Variants in RTL1 observed in about 807,000 individuals in gnomAD.
The protein encoded by RTL1 is retrotransposon-like protein 1.
For synonymous variants in RTL1, 727 were observed against 748.4 expected (o/e 0.97, Z 0.47); for missense variants, 1,681 against 1,767.5 (o/e 0.95, Z 0.88).
chr14:100,884,683 T>G lies in RTL1; in HGVS notation c.106A>C (p.Thr36Pro), dbSNP rs578252347. The G allele has an allele frequency of 1.2e-6, 2 of 1,613,780 alleles. No homozygotes were observed. The highest frequency in any genetic ancestry group is 4.5e-5 in the East Asian group (2 of 44,868). Residue 36 changes from threonine to proline, a missense_variant, in exon 4 of 4, where the codon ACG (threonine) becomes CCG (proline). Transcript: ENST00000649591. Reference protein sequence around the residue: ...SEGSSNTTEATSGSGVRGEAG... With the variant: ...SEGSSNTTEAPSGSGVRGEAG... ...TCTCCCCGCACTCCACTGCCCGACG[T>G]CGCCTCGGTGGTGTTGGATGAGCCC...
chr14:100,892,590 G>A (rs945876248), intron 3 of RTL1, among the ~76,000 whole-genome samples: 1 of 152,164 alleles, frequency 6.6e-6, no homozygotes, highest in Non-Finnish European at 1.5e-5. Context: ...CCCCACAAGG[G>A]GACGATGCCC....
chr14:100,890,279 CAA>C (rs2140045180), intron 3 of RTL1, among the ~76,000 whole-genome samples: 1 of 148,828 alleles, frequency 6.7e-6, no homozygotes, highest in East Asian at 2.0e-4. Context: ...TCAGGGCTGC[CAA>C]CGTGTGTCTA....
chr14:100,895,326 G>A (rs1003693639), intron 2 of RTL1, among the ~76,000 whole-genome samples: 7 of 152,056 alleles, frequency 4.6e-5, no homozygotes, highest in Non-Finnish European at 8.8e-5. Context: ...GACAGGGCAG[G>A]GTTTGCTTAG....
chr14:100,889,306 A>G (rs1460530644), intron 3 of RTL1, among the ~76,000 whole-genome samples: 2 of 152,240 alleles, frequency 1.3e-5, no homozygotes, highest in African/African-American at 2.4e-5. Flanking sequence ...GTCAAATTTC[A>G]TGTCCTCAAC....
At position 100,880,707 on chromosome 14, in the gene RTL1, CGT is replaced by C; in HGVS notation, c.*3_*4del. 1 of 1,550,676 alleles carries C rather than the reference CGT, an allele frequency of 6.4e-7. No individual in the cohort carries two copies. Among genetic ancestry groups the C allele is most frequent in the Non-Finnish European group, 8.7e-7 (1 of 1,146,906 alleles). On this transcript the variant is annotated 3_prime_UTR_variant, in exon 4 of 4. Transcript: ENST00000649591. ...GGACTCTTTGCTGGAGACAGGGAGG[CGT>C]CTTCAGTCGAGGTTAGCATCTTCGT...
In RTL1 at chr14:100,881,730, C is replaced by T. The variant is rs752330462; in HGVS notation, c.3059G>A (p.Arg1020Lys). Residue 1020 changes from arginine (R) to lysine (K), a missense_variant, in exon 4 of 4, where the codon AGG (arginine) becomes AAG (lysine). Physicochemically the swap from Arg to Lys is conservative, Grantham distance 26. Coordinates refer to ENST00000649591, the MANE Select transcript of RTL1 (RefSeq NM_001134888.3). The surrounding 1 kb of genome is among the most constrained non-coding windows in gnomAD (Gnocchi z 6.6). ...AARQTLLLAS[R>K]GFPRDPSTES... ...CGTCGATGGATCCCTGGGGAATCCC[C>T]TTGAGGCCAGCAGCAGGGTTTGCCT... 7 of 1,603,716 alleles carry T rather than the reference C, an allele frequency of 4.4e-6. No homozygotes were observed. In the African/African-American group the frequency reaches 9.4e-5, roughly 21 times the overall value.
chr14:100,882,050 G>T lies in RTL1; in HGVS notation c.2739C>A (p.Ile913=). 1 of 1,612,328 alleles carries T rather than the reference G, an allele frequency of 6.2e-7. No individual in the cohort carries two copies. Among genetic ancestry groups the T allele is most frequent in the East Asian group, 2.2e-5 (1 of 44,854 alleles). ...TCTCCGCTTGAGAGTACTCAACCTC[G>T]ATAGGGGAGATGTTGCGGGAGTAGA... ...CAFYSRNISP[I]EVEYSQAEMK... is the part of the protein sequence containing the mutation. The change falls in exon 4 of 4, where the codon ATC becomes ATA. Residue 913 remains isoleucine, a synonymous_variant. Coordinates refer to ENST00000649591, the MANE Select transcript of RTL1 (RefSeq NM_001134888.3).
At chr14:100,890,334 C>T (rs549645252) in intron 3 of RTL1, among the ~76,000 whole-genome samples, 123 of 151,790 alleles carry the variant, frequency 8.1e-4, no homozygotes, top group Middle Eastern at 3.4e-3. Context: ...GGACAAATCC[C>T]TCAGCAAATA....
chr14:100,886,215 A>T (rs2140040161), intron 3 of RTL1, among the ~76,000 whole-genome samples: 1 of 111,724 alleles, frequency 9.0e-6, no homozygotes, highest in South Asian at 2.4e-4. Flanking sequence ...ACCCATCCGT[A>T]AAAAAAAAAA....
chr14:100,893,851 C>T lies in RTL1; in HGVS notation c.-148-346G>A, dbSNP rs1431046573. On this transcript the variant is annotated intron_variant, in intron 2 of 3. Transcript: ENST00000649591. This position sits in a 1 kb window ranked among gnomAD's most constrained non-coding sequence, Gnocchi z 4.2. Reference sequence around the variant, plus strand: ...ACACCCACCCTCACACCCGGGCCCACGCTCACTTTAATAACCCGGACTGGG... The same window carrying T: ...ACACCCACCCTCACACCCGGGCCCATGCTCACTTTAATAACCCGGACTGGG... Among the ~76,000 whole-genome samples, 2 of 152,202 alleles carry T rather than the reference C, an allele frequency of 1.3e-5. No individual in the cohort carries two copies. Among genetic ancestry groups the T allele is most frequent in the African/African-American group, 2.4e-5 (1 of 41,444 alleles).
chr14:100,883,825 G>A lies in RTL1; in HGVS notation c.964C>T (p.Leu322=), dbSNP rs1228577655. The A allele has an allele frequency of 6.4e-7, 1 of 1,551,678 alleles. No homozygotes were observed. The highest frequency in any genetic ancestry group is 1.2e-5 in the South Asian group (1 of 84,064). The change falls in exon 4 of 4, where the codon CTG becomes TTG. Residue 322 remains leucine (L), a synonymous_variant. Transcript: ENST00000649591. This position sits in a 1 kb window ranked among gnomAD's most constrained non-coding sequence, Gnocchi z 5.9. ...AGCCCCTGGCACAAGTGGGCCTGCA[G>A]GACTTCATCTGGCCAGCCCAAGATG... The part of the protein sequence containing the change: ...VPILGWPDEV[L]QAHLCQGLNE...
chr14:100,887,329 G>T (rs1473723606), intron 3 of RTL1, among the ~76,000 whole-genome samples: 1 of 152,150 alleles, frequency 6.6e-6, no homozygotes, highest in African/African-American at 2.4e-5. Context: ...TCTGCTTAAA[G>T]CTTTATTCTA....
intron 2 of RTL1, among the ~76,000 whole-genome samples, chr14:100,896,235 C>A (rs986371482): frequency 2.0e-5 from 3 of 152,162 alleles, no homozygotes; most frequent in African/African-American, 7.2e-5. Flanking sequence ...GGCTGCTTAA[C>A]CTGTCTCAGA....
chr14:100,884,285 C>T lies in RTL1; in HGVS notation c.504G>A (p.Arg168=), dbSNP rs1401643167. The T allele has an allele frequency of 1.3e-6, 2 of 1,551,710 alleles. No individual in the cohort carries two copies. Among genetic ancestry groups the T allele is most frequent in the African/African-American group, 1.4e-5 (1 of 73,056 alleles). ...TTCGGAAGTACAGCGAGATGATGGA[C>T]CTCACCATGGCCATAAGTTCTGCGG... ...HSTAELMAMV[R]SIISLYFRMQ... is the part of the protein sequence containing the mutation. Residue 168 remains arginine, a synonymous_variant, in exon 4 of 4, where the codon AGG becomes AGA. Transcript: ENST00000649591.
Position 100,880,686 on chromosome 14 carries a change from T to C in RTL1, c.*26A>G. On this transcript the variant is annotated 3_prime_UTR_variant, in exon 4 of 4. Coordinates refer to ENST00000649591, the MANE Select transcript of RTL1 (RefSeq NM_001134888.3). ...TGTTGGGGTGAGAAATAGAGGGGAC[T>C]CTTTGCTGGAGACAGGGAGGCGTCT... 1 of 1,547,180 alleles carries C rather than the reference T, an allele frequency of 6.5e-7. No individual in the cohort carries two copies. The highest frequency in any genetic ancestry group is 8.7e-7 in the Non-Finnish European group (1 of 1,144,636).
chr14:100,892,810 T>C (rs143854295), intron 3 of RTL1, among the ~76,000 whole-genome samples: 48 of 152,188 alleles, frequency 3.2e-4, no homozygotes, highest in Middle Eastern at 6.8e-3. Flanking sequence ...TACATTCAAA[T>C]GAGTCTCTGA....
intron 3 of RTL1, among the ~76,000 whole-genome samples, chr14:100,886,149 G>C (rs1306301536): frequency 1.3e-5 from 2 of 151,324 alleles, no homozygotes; most frequent in Non-Finnish European, 2.9e-5. Context: ...TAAAGCTACT[G>C]CTCTTTATAA....
Position 100,884,027 on chromosome 14 carries a change from T to G in RTL1, c.762A>C (p.Lys254Asn). 1 of 1,551,752 alleles carries G rather than the reference T, an allele frequency of 6.4e-7. No homozygotes were observed. Among genetic ancestry groups the G allele is most frequent in the Non-Finnish European group, 8.7e-7 (1 of 1,147,002 alleles). Reference sequence around the variant, plus strand: ...GGGGGCTGTTTTCCTGCAGTAGAGCTTTGGCCCATTCTAATGCCAAGCCGG... The same window carrying G: ...GGGGGCTGTTTTCCTGCAGTAGAGCGTTGGCCCATTCTAATGCCAAGCCGG... ...HLSGLALEWA[K>N]ALLQENSPLI... The change falls in exon 4 of 4, where the codon AAA (lysine) becomes AAC (asparagine). Residue 254 changes from lysine to asparagine, a missense_variant. Transcript: ENST00000649591.
chr14:100,884,931 T>A, intron 3 of RTL1, 57 bp from the exon 4 acceptor site: 1 of 725,804 alleles, frequency 1.4e-6, no homozygotes, highest in Non-Finnish European at 2.2e-6. Flanking sequence ...TCTTGTGAAG[T>A]GGCAGTATCA....
Sources: allele counts gnomAD v4.1 joint callset (sites outside exome capture counted in the v4.1 genomes callset), GRCh38; gene constraint gnomAD v4.1.1; non-coding constraint Gnocchi (gnomAD v3.1); transcripts MANE v1.5; gene names NCBI Gene and HGNC (gene_info 2026-07-23, HGNC 2026-07-21).